GALNT13: variants seen among roughly 807,000 people sequenced by gnomAD.
GALNT13 encodes the protein polypeptide N-acetylgalactosaminyltransferase 13, also known as UDP-GalNAc:polypeptide N-acetylgalactosaminyltransferase 13.
A neutral mutation model predicts 64.2 loss-of-function variants in GALNT13; 28 were observed. The ratio of observed to expected loss-of-function variants is 0.44; its 90% confidence interval spans 0.32 to 0.60. The LOEUF (loss-of-function observed/expected upper bound fraction) is 0.60. Among genes scored for constraint, GALNT13 ranks in the 20% least tolerant of loss-of-function variants. The probability of loss-of-function intolerance (pLI) is 0.05; values close to 1 mark genes in which losing one functional copy is unlikely to be tolerated. For missense variants in GALNT13, 577 were observed against 669.8 expected (o/e 0.86, Z 1.53); for synonymous variants, 214 against 224.6 (o/e 0.95, Z 0.42).
At chr2:153,119,551 T>C in the GALNT13 span, among the ~76,000 whole-genome samples, 1 of 152,220 alleles carries the variant, frequency 6.6e-6, no homozygotes, top group Non-Finnish European at 1.5e-5. Context: ...AAAATGGCAC[T>C]GTTAGTGCCC....
chr2:153,222,307 T>TGGGGGGGGGGGGGGGGGGGGGGGGG, the GALNT13 span, among the ~76,000 whole-genome samples: 1 of 6,328 alleles, frequency 1.6e-4, no homozygotes, highest in Non-Finnish European at 5.8e-4. Context: ...TGAGTCTGGC[T>TGGGGGGGGGGGGGGGGGGGGGGGGG]GGGGGGGGGG....
At chr2:154,155,076 A>G (rs1265478873) in intron 4 of GALNT13, among the ~76,000 whole-genome samples, 1 of 151,982 alleles carries the variant, frequency 6.6e-6, no homozygotes, top group East Asian at 1.9e-4. Context: ...TATGGAAACT[A>G]TTATTGTTAT....
At chr2:153,760,890 G>A in the GALNT13 span, among the ~76,000 whole-genome samples, 14 of 152,098 alleles carry the variant, frequency 9.2e-5, no homozygotes, top group Middle Eastern at 3.4e-3. Flanking sequence ...AAGATTTCCC[G>A]TACATATTTA....
the GALNT13 span, among the ~76,000 whole-genome samples, chr2:153,455,186 T>C: frequency 6.6e-6 from 1 of 152,242 alleles, no homozygotes; most frequent in East Asian, 1.9e-4. Context: ...TCTGTTCTTA[T>C]AATTCCAGTG....
At chr2:153,556,706 A>T in the GALNT13 span, among the ~76,000 whole-genome samples, 1 of 152,230 alleles carries the variant, frequency 6.6e-6, no homozygotes, top group African/African-American at 2.4e-5. Flanking sequence ...TTAACTGGAA[A>T]ATGCAGGCCA....
the GALNT13 span, among the ~76,000 whole-genome samples, chr2:153,726,278 GA>G: frequency 6.6e-6 from 1 of 152,094 alleles, no homozygotes; most frequent in Non-Finnish European, 1.5e-5. Context: ...ATGATTGACT[GA>G]AATGTTAAGT....
At chr2:153,609,230 A>G in the GALNT13 span, among the ~76,000 whole-genome samples, 1 of 152,066 alleles carries the variant, frequency 6.6e-6, no homozygotes, top group Non-Finnish European at 1.5e-5. Context: ...TGGCTGGTCA[A>G]TATTTTTCTC....
At chr2:153,401,475 T>C in the GALNT13 span, among the ~76,000 whole-genome samples, 10 of 149,242 alleles carry the variant, frequency 6.7e-5, no homozygotes, top group Admixed American at 6.7e-4. Flanking sequence ...AATTCCTGGG[T>C]ATCCTTGTTG....
At chr2:154,197,979 A>G (rs1243982320) in intron 4 of GALNT13, among the ~76,000 whole-genome samples, 1 of 152,092 alleles carries the variant, frequency 6.6e-6, no homozygotes, top group East Asian at 1.9e-4. Flanking sequence ...TATATTCATC[A>G]GATTCACACA....
the GALNT13 span, among the ~76,000 whole-genome samples, chr2:153,729,333 T>C: frequency 6.6e-6 from 1 of 152,162 alleles, no homozygotes; most frequent in Admixed American, 6.6e-5. Flanking sequence ...ATATTTTTTC[T>C]TCTGTGGATT....
intron 2 of GALNT13, among the ~76,000 whole-genome samples, chr2:153,912,961 C>T (rs1689060377): frequency 1.3e-5 from 2 of 152,130 alleles, no homozygotes; most frequent in African/African-American, 4.8e-5. Flanking sequence ...GTAGTGGGTG[C>T]TGGGTAGCCA....
rs367866102 is a variant in GALNT13 at position 153,988,815 on chromosome 2, A to C, written c.142+44176A>C. Among the ~76,000 whole-genome samples, 28 of 152,092 alleles carry C rather than the reference A, an allele frequency of 1.8e-4. No homozygotes were observed. In the South Asian group the frequency reaches 5.8e-3, roughly 31 times the overall value. ...GTCTTTGGAGTATTTATTTATATTA[A>C]GTTCAGGTGACTAAAGTATGATTTT... On this transcript the variant is annotated intron_variant, in intron 3 of 12. Coordinates refer to ENST00000392825, the MANE Select transcript of GALNT13 (RefSeq NM_052917.4).
chr2:153,725,317 G>T, the GALNT13 span, among the ~76,000 whole-genome samples: 4 of 151,502 alleles, frequency 2.6e-5, no homozygotes, highest in South Asian at 6.4e-4. Flanking sequence ...GTGGAGGGGA[G>T]AGGGGGGAGG....
chr2:154,337,644 G>A (rs1695530750), intron 9 of GALNT13, among the ~76,000 whole-genome samples: 1 of 151,950 alleles, frequency 6.6e-6, no homozygotes, highest in South Asian at 2.1e-4. Flanking sequence ...AATTATAATT[G>A]TTAAATATTT....
chr2:153,202,006 T>C, the GALNT13 span, among the ~76,000 whole-genome samples: 2 of 140,332 alleles, frequency 1.4e-5, no homozygotes, highest in African/African-American at 5.6e-5. Flanking sequence ...GAGACGGAGT[T>C]TCGCTCTGTC....
chr2:153,538,165 G>T, the GALNT13 span, among the ~76,000 whole-genome samples: 5 of 152,038 alleles, frequency 3.3e-5, no homozygotes, highest in Non-Finnish European at 5.9e-5. Context: ...ATGGAGATGA[G>T]AAACTTTTTG....
the GALNT13 span, among the ~76,000 whole-genome samples, chr2:153,621,839 C>T: frequency 9.2e-4 from 140 of 152,198 alleles, no homozygotes; most frequent in African/African-American, 3.2e-3. Context: ...CCCTTTAGGT[C>T]AGTGGGCTCC....
At chr2:153,304,908 G>T in the GALNT13 span, among the ~76,000 whole-genome samples, 5 of 152,148 alleles carry the variant, frequency 3.3e-5, no homozygotes, top group Non-Finnish European at 7.3e-5. Context: ...ACATTAGAGG[G>T]ATTGTGGAGA....
At position 153,961,789 on chromosome 2, in the gene GALNT13, A is replaced by C. The variant is rs375460976; in HGVS notation, c.142+17150A>C. Among the ~76,000 whole-genome samples the C allele has an allele frequency of 3.1e-4, 47 of 152,342 alleles. No individual in the cohort carries two copies. In the East Asian group the frequency reaches 9.1e-3, roughly 29 times the overall value. Reference sequence around the variant, plus strand: ...AACAAAACTGTTTACCAAATTGTCCACCAATAAAATGGGAATGGACAGATT... The same window carrying C: ...AACAAAACTGTTTACCAAATTGTCCCCCAATAAAATGGGAATGGACAGATT... On this transcript the variant is annotated intron_variant, in intron 3 of 12. Transcript: ENST00000392825.
Sources: gnomAD v4.1 joint callset for allele counts (sites outside exome capture counted in the v4.1 genomes callset) on GRCh38, gnomAD v4.1.1 for gene constraint, MANE v1.5 for transcripts, NCBI Gene and HGNC (gene_info 2026-07-23, HGNC 2026-07-21) for gene names.